Variants in ZMYND8 observed in about 807,000 individuals in gnomAD.
ZMYND8 encodes the protein MYND-type zinc finger-containing chromatin reader ZMYND8.
In ZMYND8, 37 loss-of-function variants were observed where a neutral mutation model predicts 140.8. The ratio of observed to expected loss-of-function variants is 0.26; its 90% CI spans 0.20 to 0.35. ZMYND8 has a LOEUF of 0.35. ZMYND8 is among the 10% of genes least tolerant of loss of function. The probability of loss-of-function intolerance (pLI) is 1.00; values close to 1 mark genes in which losing one functional copy is unlikely to be tolerated. For missense variants in ZMYND8, 1,068 were observed against 1,570.0 expected (o/e 0.68, Z 5.40); for synonymous variants, 592 against 597.1 (o/e 0.99, Z 0.12).
intron 11 of ZMYND8, among the ~76,000 whole-genome samples, chr20:47,268,387 G>A (rs192302357): frequency 0.02 from 2,954 of 149,330 alleles, 104 homozygotes; most frequent in African/African-American, 0.068. Flanking sequence ...TCCGCCTCCC[G>A]GGTTCACGCC....
At chr20:47,261,573 TCA>T (rs1441267011) in intron 12 of ZMYND8, among the ~76,000 whole-genome samples, 3 of 151,384 alleles carry the variant, frequency 2.0e-5, no homozygotes, top group Non-Finnish European at 2.9e-5. Flanking sequence ...ATCATCATCA[TCA>T]TCATCATCAT....
At chr20:47,334,170 T>C (rs1013915370) in intron 2 of ZMYND8, among the ~76,000 whole-genome samples, 5 of 152,144 alleles carry the variant, frequency 3.3e-5, no homozygotes, top group Non-Finnish European at 7.4e-5. Context: ...AGATTGTTTG[T>C]TTACCCTCGT....
At chr20:47,296,006 A>G (rs2077611838) in intron 4 of ZMYND8, among the ~76,000 whole-genome samples, 1 of 152,116 alleles carries the variant, frequency 6.6e-6, no homozygotes, top group African/African-American at 2.4e-5. Flanking sequence ...GTTGTCGAGG[A>G]AAAGGCCAAC....
intron 3 of ZMYND8, among the ~76,000 whole-genome samples, chr20:47,308,219 GTTT>G (rs1330667811): frequency 1.6e-5 from 2 of 128,736 alleles, no homozygotes; most frequent in South Asian, 2.5e-4. Flanking sequence ...TGGACGTGAG[GTTT>G]TTTTTTTTTT....
intron 10 of ZMYND8, among the ~76,000 whole-genome samples, chr20:47,279,171 CTTT>C (rs2076443072): frequency 6.6e-6 from 1 of 152,084 alleles, no homozygotes. Flanking sequence ...AGTCTCTTTT[CTTT>C]CAAACAAGTC....
intron 6 of ZMYND8, among the ~76,000 whole-genome samples, chr20:47,291,582 T>G (rs529916461): frequency 6.6e-6 from 1 of 152,300 alleles, no homozygotes; most frequent in Non-Finnish European, 1.5e-5. Context: ...TACCAAAGAA[T>G]TTCAACATTC....
intron 9 of ZMYND8, 111 bp from the exon 10 acceptor site, chr20:47,282,328 G>GA (rs1410106947): frequency 2.3e-6 from 2 of 876,092 alleles, no homozygotes; most frequent in Non-Finnish European, 3.5e-6. Flanking sequence ...GCCATGAGTG[G>GA]AAAAAGAGTT....
At chr20:47,217,615 TCTG>T (rs2036313211) in intron 21 of ZMYND8, among the ~76,000 whole-genome samples, 2 of 151,118 alleles carry the variant, frequency 1.3e-5, no homozygotes, top group Non-Finnish European at 3.0e-5. Context: ...TCTGGAGAGA[TCTG>T]AACTGAAGTC....
At chr20:47,245,598 T>C (rs2040473413) in intron 14 of ZMYND8, among the ~76,000 whole-genome samples, 1 of 152,224 alleles carries the variant, frequency 6.6e-6, no homozygotes, top group Non-Finnish European at 1.5e-5. Flanking sequence ...ATGAGATGTC[T>C]GTGGAATGCA....
intron 3 of ZMYND8, 75 bp downstream of exon 3, chr20:47,309,981 A>C: frequency 6.3e-7 from 1 of 1,584,390 alleles, no homozygotes; most frequent in Non-Finnish European, 8.6e-7. Context: ...GGCGCTTACA[A>C]GGATCCAGAG....
At chr20:47,340,975 G>A (rs1200767039) in intron 2 of ZMYND8, among the ~76,000 whole-genome samples, 1 of 152,122 alleles carries the variant, frequency 6.6e-6, no homozygotes, top group Non-Finnish European at 1.5e-5. Context: ...GCGAACGTGT[G>A]TTAAAGTTCA....
At position 47,263,414 on chromosome 20, in the gene ZMYND8, G is replaced by A. The variant is rs111868359; in HGVS notation, c.1481-986C>T. ...TCCCCAGGGGCTTCGAAAGTGCTGG[G>A]ACACTTGTGTGGGCAGCACTTGCCT... On this transcript the variant is annotated intron_variant, in intron 11 of 22. Transcript: ENST00000471951. Among the ~76,000 whole-genome samples the A allele has an allele frequency of 4.6e-3, 702 of 151,778 alleles. 5 individuals carry two copies. The highest frequency in any genetic ancestry group is 0.016 in the African/African-American group (676 of 41,430).
chr20:47,348,535 C>G (rs2082522676), intron 1 of ZMYND8: 1 of 155,798 alleles, frequency 6.4e-6, no homozygotes, highest in South Asian at 2.0e-4. Flanking sequence ...CTCCACACTT[C>G]CAACCCCCTG....
chr20:47,293,645 T>C (rs1485652057), intron 5 of ZMYND8, among the ~76,000 whole-genome samples: 3 of 152,232 alleles, frequency 2.0e-5, no homozygotes, highest in Non-Finnish European at 4.4e-5. Context: ...AAATGGATTT[T>C]CCTAACTCCC....
intron 21 of ZMYND8, among the ~76,000 whole-genome samples, chr20:47,219,046 G>A (rs997130571): frequency 8.9e-5 from 10 of 112,308 alleles, no homozygotes; most frequent in Non-Finnish European, 1.7e-4. Context: ...GCAAAACCCC[G>A]TTTCTACAAT....
chr20:47,232,094 G>A (rs2038568844), intron 16 of ZMYND8, among the ~76,000 whole-genome samples: 2 of 152,162 alleles, frequency 1.3e-5, no homozygotes, highest in South Asian at 4.1e-4. Context: ...TTCCTGGACA[G>A]GCACAGTGGC....
intron 1 of ZMYND8, among the ~76,000 whole-genome samples, chr20:47,350,326 GA>G (rs1445121118): frequency 5.5e-5 from 4 of 72,978 alleles, no homozygotes; most frequent in Admixed American, 1.4e-4. Context: ...GCATTAAAAG[GA>G]GAAAAAAAAA....
intron 2 of ZMYND8, among the ~76,000 whole-genome samples, chr20:47,332,332 T>C (rs960064941): frequency 3.3e-5 from 5 of 151,768 alleles, no homozygotes; most frequent in Non-Finnish European, 7.4e-5. Context: ...AAGTTTGGCT[T>C]TGAAGAAGAG....
intron 22 of ZMYND8, among the ~76,000 whole-genome samples, chr20:47,211,732 A>G (rs1329741524): frequency 1.3e-5 from 2 of 152,194 alleles, no homozygotes; most frequent in Non-Finnish European, 2.9e-5. Context: ...ACAGACTGGG[A>G]CAGAATTATT....
Sources: gnomAD v4.1 joint callset for allele counts (sites outside exome capture counted in the v4.1 genomes callset) on GRCh38, gnomAD v4.1.1 for gene constraint, MANE v1.5 for transcripts, NCBI Gene and HGNC (gene_info 2026-07-23, HGNC 2026-07-21) for gene names.